The following CADPS2 variants were observed in gnomAD, a reference collection of about 807,000 sequenced individuals.
The protein encoded by CADPS2 is calcium dependent secretion activator 2, also known as calcium-dependent secretion activator 2.
A neutral mutation model predicts 172.5 loss-of-function variants in CADPS2; 93 were observed. The observed-to-expected ratio is 0.54, with a 90% confidence interval of 0.46 to 0.64. CADPS2 has a LOEUF of 0.64. Among genes scored for constraint, CADPS2 ranks in the 30% least tolerant of loss-of-function variants. The probability of loss-of-function intolerance (pLI) is 0.00; values close to 1 mark genes in which losing one functional copy is unlikely to be tolerated. For synonymous variants in CADPS2, 546 were observed against 555.2 expected (o/e 0.98, Z 0.23); for missense variants, 1,420 against 1,565.9 (o/e 0.91, Z 1.57).
intron 3 of CADPS2, among the ~76,000 whole-genome samples, chr7:122,658,506 T>G (rs2080098889): frequency 6.6e-6 from 1 of 152,176 alleles, no homozygotes; most frequent in Non-Finnish European, 1.5e-5. Flanking sequence ...AATGATAGAC[T>G]GGATTAAGAA....
At chr7:122,782,313 C>T (rs1341726813) in intron 1 of CADPS2, among the ~76,000 whole-genome samples, 1 of 152,138 alleles carries the variant, frequency 6.6e-6, no homozygotes, top group Non-Finnish European at 1.5e-5. Flanking sequence ...TTGCTAAAAT[C>T]TTCATAGAAT....
intron 9 of CADPS2, among the ~76,000 whole-genome samples, chr7:122,499,814 G>T (rs1367088345): frequency 6.6e-6 from 1 of 152,086 alleles, no homozygotes; most frequent in Non-Finnish European, 1.5e-5. Flanking sequence ...ATCAACTATT[G>T]AAATAATAGA....
At chr7:122,564,558 C>T (rs781410904) in intron 7 of CADPS2, among the ~76,000 whole-genome samples, 4 of 152,016 alleles carry the variant, frequency 2.6e-5, no homozygotes, top group Non-Finnish European at 5.9e-5. Context: ...CCACCTACCT[C>T]GGACTCCCAA....
intron 1 of CADPS2, among the ~76,000 whole-genome samples, chr7:122,815,698 C>T (rs563002816): frequency 6.6e-6 from 1 of 152,198 alleles, no homozygotes; most frequent in South Asian, 2.1e-4. Flanking sequence ...TAAATTTCTA[C>T]ATCATTATAA....
At chr7:122,783,525 G>A (rs1461859601) in intron 1 of CADPS2, among the ~76,000 whole-genome samples, 1 of 152,156 alleles carries the variant, frequency 6.6e-6, no homozygotes, top group East Asian at 1.9e-4. Context: ...TTGACCTGGT[G>A]ATGGATGAAT....
chr7:122,322,701 A>G (rs1486340310), intron 29 of CADPS2, among the ~76,000 whole-genome samples: 6 of 152,186 alleles, frequency 3.9e-5, no homozygotes, highest in African/African-American at 1.2e-4. Flanking sequence ...CTTTGCAAAT[A>G]ATTTCAGTCT....
In CADPS2 at chr7:122,318,674, G is replaced by A. The variant is rs2031794039; in HGVS notation, c.*1491C>T. The stretch of plus-strand genomic sequence containing the variant: ...GTAGAGTTAGTCTTTAATCCCGGAA[G>A]AAGGAAGAAATTTCCTTGTTTGTTA... On this transcript the variant is annotated 3_prime_UTR_variant, in exon 30 of 30. Coordinates refer to ENST00000449022, the MANE Select transcript of CADPS2 (RefSeq NM_017954.11). The A allele has an allele frequency of 6.6e-6, 1 of 152,192 alleles. No homozygotes were observed. The highest frequency in any genetic ancestry group is 1.5e-5 in the Non-Finnish European group (1 of 68,028). 9.4% of individuals were successfully genotyped at this position (152,192 alleles called of 1,614,324 possible).
chr7:122,785,934 T>C (rs1793934832), intron 1 of CADPS2, among the ~76,000 whole-genome samples: 1 of 152,204 alleles, frequency 6.6e-6, no homozygotes, highest in Non-Finnish European at 1.5e-5. Context: ...GCTCAGAAGA[T>C]GCAGGTAATG....
At chr7:122,770,775 C>T (rs1356405254) in intron 1 of CADPS2, among the ~76,000 whole-genome samples, 1 of 152,154 alleles carries the variant, frequency 6.6e-6, no homozygotes, top group African/African-American at 2.4e-5. Flanking sequence ...GGACAGCAAC[C>T]ATGCCACACC....
chr7:122,646,704 A>C (rs2134782304), intron 3 of CADPS2, among the ~76,000 whole-genome samples: 1 of 152,270 alleles, frequency 6.6e-6, no homozygotes, highest in South Asian at 2.1e-4. Context: ...TGAAAGCTTA[A>C]CCAAGGAGTA....
intron 1 of CADPS2, among the ~76,000 whole-genome samples, chr7:122,855,575 T>C (rs932027194): frequency 6.6e-6 from 1 of 152,152 alleles, no homozygotes; most frequent in Admixed American, 6.5e-5. Context: ...GGGCAAAGTA[T>C]GGTCTTGAAA....
intron 2 of CADPS2, chr7:122,697,649 G>C: frequency 1.4e-6 from 1 of 695,440 alleles, no homozygotes; most frequent in Non-Finnish European, 2.3e-6. Flanking sequence ...CTATCTTTGA[G>C]GTTGGACAAA....
intron 2 of CADPS2, among the ~76,000 whole-genome samples, chr7:122,683,878 C>T (rs2083339223): frequency 6.6e-6 from 1 of 151,984 alleles, no homozygotes; most frequent in South Asian, 2.1e-4. Context: ...ATATGAGGTT[C>T]ACTGTGTCTA....
chr7:122,814,421 T>C (rs1381095916), intron 1 of CADPS2, among the ~76,000 whole-genome samples: 1 of 152,052 alleles, frequency 6.6e-6, no homozygotes, highest in Non-Finnish European at 1.5e-5. Flanking sequence ...GTAAAAATAA[T>C]AAATTCTATA....
intron 7 of CADPS2, among the ~76,000 whole-genome samples, chr7:122,561,838 A>G (rs1340723080): frequency 2.0e-5 from 3 of 152,280 alleles, no homozygotes; most frequent in Admixed American, 2.0e-4. Flanking sequence ...AGCCTTCTTA[A>G]TCACAGTTTC....
intron 2 of CADPS2, chr7:122,702,414 T>C: frequency 6.2e-7 from 1 of 1,613,750 alleles, no homozygotes; most frequent in Non-Finnish European, 8.5e-7. Flanking sequence ...ATTTTATGTG[T>C]AAAAGTACAG....
intron 2 of CADPS2, among the ~76,000 whole-genome samples, chr7:122,684,662 C>A (rs990877552): frequency 1.1e-4 from 16 of 151,994 alleles, no homozygotes; most frequent in Non-Finnish European, 1.9e-4. Context: ...CTCAAAAAAA[C>A]CTTTCACTTG....
chr7:122,874,248 CAGAG>C (rs919474304), intron 1 of CADPS2, among the ~76,000 whole-genome samples: 1 of 151,944 alleles, frequency 6.6e-6, no homozygotes, highest in Non-Finnish European at 1.5e-5. Flanking sequence ...TATGTCCTGA[CAGAG>C]AGCCAAATCA....
intron 3 of CADPS2, among the ~76,000 whole-genome samples, chr7:122,631,769 T>C (rs923767732): frequency 2.0e-5 from 3 of 151,660 alleles, no homozygotes; most frequent in African/African-American, 7.3e-5. Context: ...GTTGTTGAGG[T>C]TGAGGTTGGG....
Sources: gnomAD v4.1 joint callset for allele counts (sites outside exome capture counted in the v4.1 genomes callset) on GRCh38, gnomAD v4.1.1 for gene constraint, MANE v1.5 for transcripts, NCBI Gene and HGNC (gene_info 2026-07-23, HGNC 2026-07-21) for gene names.